AKAP17A: variants seen among roughly 807,000 people sequenced by gnomAD.
AKAP17A encodes the protein A-kinase anchoring protein 17A, also known as A-kinase anchor protein 17A.
In AKAP17A, 15 loss-of-function variants were observed where a neutral mutation model predicts 52.2. The ratio of observed to expected loss-of-function variants is 0.29; its 90% CI spans 0.19 to 0.44. AKAP17A has a LOEUF of 0.44. AKAP17A is among the 20% of genes least tolerant of loss of function. The pLI is 1.00. For missense variants in AKAP17A, 1,060 were observed against 1,007.0 expected (o/e 1.05, Z -0.71); for synonymous variants, 514 against 424.7 (o/e 1.21, Z -2.58).
At chrX:1,596,396 A>G (rs1932979628) in intron 3 of AKAP17A, among the ~76,000 whole-genome samples, 1 of 151,952 alleles carries the variant, frequency 6.6e-6, no homozygotes, top group Admixed American at 6.6e-5. Context: ...GAGGGAACCA[A>G]CAACTTTCTG....
chrX:1,601,692 G>C lies in AKAP17A; in HGVS notation c.*98G>C, dbSNP rs1252840094. The C allele has an allele frequency of 2.5e-6, 3 of 1,191,308 alleles. No individual in the cohort carries two copies. The African/African-American group carries it at 4.8e-5, about 19-fold the overall frequency. The allele number at this position is 1,191,308 out of a possible 1,614,324, so 73.8% of individuals were successfully genotyped here. On this transcript the variant is annotated 3_prime_UTR_variant, in exon 5 of 5. Transcript: ENST00000313871. ...GCCGCTCTCCGTCCACCCCTGCAAA[G>C]CCAAGACCCTTCTGCAGCCACGAAT...
rs1166480758 is a variant in AKAP17A, at chrX:1,599,435, A to T, written c.1152+3A>T. The T allele has an allele frequency of 6.4e-7, 1 of 1,558,072 alleles. No individual in the cohort carries two copies. Among genetic ancestry groups the T allele is most frequent in the Non-Finnish European group, 8.7e-7 (1 of 1,152,268 alleles). ...CCGAGCTGCTCAGCAGAGCCAAGGT[A>T]CCCGGGGGCTCCCTCTGCAGCCGCC... On this transcript the variant is annotated splice_donor_region_variant and intron_variant, in intron 4 of 4. Transcript: ENST00000313871.
At position 1,601,863 on chromosome X, in the gene AKAP17A, C is replaced by G. The variant is rs772983945; in HGVS notation, c.*269C>G. On this transcript the variant is annotated 3_prime_UTR_variant, in exon 5 of 5. Coordinates refer to ENST00000313871, the MANE Select transcript of AKAP17A (RefSeq NM_005088.3). ...ATAGCTTTAATGCGGCCGGTCCTCT[C>G]TCAGTCAGGAAAATTGCACAGACCG... The G allele has an allele frequency of 3.1e-5, 12 of 388,130 alleles. No homozygotes were observed. The East Asian group carries it at 4.5e-4, about 15-fold the overall frequency. 24.0% of individuals were successfully genotyped at this position (388,130 alleles called of 1,614,324 possible). A position where few individuals can be genotyped will look rare whatever the true frequency, so the allele number is the denominator to read the frequency against.
intron 2 of AKAP17A, among the ~76,000 whole-genome samples, chrX:1,595,085 G>C (rs189709456): frequency 6.6e-6 from 1 of 152,200 alleles, no homozygotes. Flanking sequence ...GCTGTGTCTC[G>C]CAGCGGTGGC....
In AKAP17A at chrX:1,595,499, A is replaced by G. The variant is rs1308530798; in HGVS notation, c.878A>G (p.Lys293Arg). Residue 293 changes from lysine to arginine, a missense_variant, in exon 3 of 5, where the codon AAG becomes AGG. This residue lies in a region of AKAP17A where 793 missense variants were observed against 629.9 expected (regional missense o/e 1.26). Coordinates refer to ENST00000313871, the MANE Select transcript of AKAP17A (RefSeq NM_005088.3). ...AGAGAAGAACAAAAGCGCAGAGAGAAGGAAGCGGAGGAGAGGCAGCGAGCG... is the reference window on the plus strand; with the variant it reads ...AGAGAAGAACAAAAGCGCAGAGAGAGGGAAGCGGAGGAGAGGCAGCGAGCG... ...QQREEQKRREKEAEERQRAEE... is the reference protein window; with the variant it reads ...QQREEQKRREREAEERQRAEE... The G allele has an allele frequency of 1.9e-6, 3 of 1,613,974 alleles. No homozygotes were observed. The highest frequency in any genetic ancestry group is 1.7e-5 in the Admixed American group (1 of 60,018).
At chrX:1,596,756 T>C (rs866638842) in intron 3 of AKAP17A, among the ~76,000 whole-genome samples, 13 of 31,780 alleles carry the variant, frequency 4.1e-4, no homozygotes, top group African/African-American at 8.8e-4. Flanking sequence ...CCTAGTGAGG[T>C]GGATTCCTCC....
At chrX:1,596,182 A>G (rs1932967068) in intron 3 of AKAP17A, among the ~76,000 whole-genome samples, 1 of 151,206 alleles carries the variant, frequency 6.6e-6, no homozygotes, top group Admixed American at 6.6e-5. Context: ...GGTTGAGGCT[A>G]CATTTACAAA....
At position 1,593,508 on chromosome X, in the gene AKAP17A, C is replaced by T. The variant is rs1244359226; in HGVS notation, c.46C>T (p.Leu16Phe). 1.2e-6 allele frequency: 2 copies of T among 1,613,802 alleles called. No individual in the cohort carries two copies. Among genetic ancestry groups the T allele is most frequent in the Admixed American group, 1.7e-5 (1 of 60,010 alleles). ...GCACGACACGTCTGAGGCCGTGGAG[C>T]TCTGCCCTGCTTACGGCTTGTACCT... is the stretch of plus-strand genomic sequence containing the variant. ...IVHDTSEAVE[L>F]CPAYGLYLKP... Residue 16 changes from leucine to phenylalanine, a missense_variant, in exon 2 of 5, where the codon CTC (leucine) becomes TTC (phenylalanine). Leu to Phe is a conservative substitution (Grantham distance 22). Around this residue, in one of 2 missense-constraint regions of AKAP17A, gnomAD observed 267 missense variants for 377.1 expected, o/e 0.71. Coordinates refer to ENST00000313871, the MANE Select transcript of AKAP17A (RefSeq NM_005088.3).
At position 1,599,370 on chromosome X, in the gene AKAP17A, C is replaced by G. The variant is rs762821813; in HGVS notation, c.1090C>G (p.Leu364Val). Reference sequence around the variant, plus strand: ...GATCAAGCTGGAGGAGCGCAAGCTGCTGCTGGCCCAGAGGAACCTGCAGTC... The same window carrying G: ...GATCAAGCTGGAGGAGCGCAAGCTGGTGCTGGCCCAGAGGAACCTGCAGTC... ...EKIKLEERKL[L>V]LAQRNLQSIR... Residue 364 changes from leucine to valine, a missense_variant, in exon 4 of 5, where the codon CTG becomes GTG. By Grantham distance (32) the Leu-to-Val change is conservative. Transcript: ENST00000313871. 1.9e-6 allele frequency: 3 copies of G among 1,586,658 alleles called. No individual in the cohort carries two copies. The South Asian group carries it at 3.4e-5, about 18-fold the overall frequency.
At chrX:1,595,823 G>A (rs1380068737) in intron 3 of AKAP17A, among the ~76,000 whole-genome samples, 1 of 151,846 alleles carries the variant, frequency 6.6e-6, no homozygotes, top group Non-Finnish European at 1.5e-5. Flanking sequence ...GTATGTGCAC[G>A]TGTGCCCACA....
chrX:1,593,678 C>T lies in AKAP17A; in HGVS notation c.216C>T (p.Ser72=), dbSNP rs1932881096. ...TCTCCACGCTGCGTATTTCCAAGAGCACCATGGACTTCATCCGCTTCGAGG... is the reference window on the plus strand; with the variant it reads ...TCTCCACGCTGCGTATTTCCAAGAGTACCATGGACTTCATCCGCTTCGAGG... ...HQFSTLRISK[S]TMDFIRFEGE... The change falls in exon 2 of 5, where the codon AGC becomes AGT. Residue 72 remains serine, a synonymous_variant. Transcript: ENST00000313871. The T allele has an allele frequency of 6.2e-7, 1 of 1,613,976 alleles. No homozygotes were observed. Among genetic ancestry groups the T allele is most frequent in the South Asian group, 1.1e-5 (1 of 91,078 alleles).
chrX:1,595,251 TGGTGAGC>T (rs553882759), intron 2 of AKAP17A, 126 bp from the exon 3 acceptor site: 57,900 of 210,960 alleles, frequency 0.27, 17,107 homozygotes, highest in Non-Finnish European at 0.3. Flanking sequence ...CGGACATGAG[TGGTGAGC>T]GGTGAGCGGT....
At position 1,601,758 on chromosome X, in the gene AKAP17A, T is replaced by G. The variant is rs1933399581; in HGVS notation, c.*164T>G. The G allele has an allele frequency of 1.8e-6, 1 of 566,264 alleles. No homozygotes were observed. The highest frequency in any genetic ancestry group is 2.0e-5 in the African/African-American group (1 of 51,002). The allele number at this position is 566,264 out of a possible 1,614,324, so 35.1% of individuals were successfully genotyped here. A position where few individuals can be genotyped will look rare whatever the true frequency, so the allele number is the denominator to read the frequency against. On this transcript the variant is annotated 3_prime_UTR_variant, in exon 5 of 5. Transcript: ENST00000313871. ...CGGCAGGAAGGAAGACACCATGCTT[T>G]AGAGATCCATCTTTCTCCACTCACC...
intron 3 of AKAP17A, among the ~76,000 whole-genome samples, 191 bp downstream of exon 3, chrX:1,595,723 A>T (rs1302882573): frequency 1.3e-5 from 2 of 151,058 alleles, no homozygotes; most frequent in Non-Finnish European, 3.0e-5. Context: ...GTATGTCCCT[A>T]TGTGCGCCCG....
intron 4 of AKAP17A, chrX:1,600,056 G>A (rs765491352): frequency 1.6e-4 from 140 of 858,516 alleles, no homozygotes; most frequent in African/African-American, 8.3e-4. Flanking sequence ...AGACGTCCCC[G>A]GCACGCTCCT....
chrX:1,595,539 TC>T lies in AKAP17A; in HGVS notation c.911+8del. On this transcript the variant is annotated splice_region_variant and intron_variant, in intron 3 of 4. Coordinates refer to ENST00000313871, the MANE Select transcript of AKAP17A (RefSeq NM_005088.3). Reference sequence around the variant, plus strand: ...GGCAGCGAGCGGAGGAAAGGTACCTTCTGCGGGAGCGGGCCCTCGGCGCTGG... The same window carrying T: ...GGCAGCGAGCGGAGGAAAGGTACCTTTGCGGGAGCGGGCCCTCGGCGCTGG... 1 of 1,613,494 alleles carries T rather than the reference TC, an allele frequency of 6.2e-7. No individual in the cohort carries two copies. Among genetic ancestry groups the T allele is most frequent in the Non-Finnish European group, 8.5e-7 (1 of 1,179,792 alleles).
intron 2 of AKAP17A, among the ~76,000 whole-genome samples, chrX:1,595,102 C>G (rs1932917924): frequency 6.6e-6 from 1 of 152,222 alleles, no homozygotes; most frequent in African/African-American, 2.4e-5. Flanking sequence ...TGGCGTGTCA[C>G]TTGTGTTCAG....
intron 4 of AKAP17A, chrX:1,600,298 G>T: frequency 1.1e-6 from 1 of 948,548 alleles, no homozygotes; most frequent in East Asian, 3.9e-5. Context: ...TCAGCTCCCT[G>T]TTGCTGGCGG....
intron 3 of AKAP17A, 146 bp downstream of exon 3, chrX:1,595,678 A>T: frequency 7.7e-7 from 1 of 1,292,860 alleles, no homozygotes; most frequent in Non-Finnish European, 1.1e-6. Context: ...GTGTGCATGG[A>T]CGCACGTGTG....
Sources: gnomAD v4.1 joint callset for allele counts (sites outside exome capture counted in the v4.1 genomes callset) on GRCh38, gnomAD v4.1.1 for gene constraint, gnomAD v4.1.1 regional missense constraint, MANE v1.5 for transcripts, NCBI Gene and HGNC (gene_info 2026-07-23, HGNC 2026-07-21) for gene names.